The following CFAP70 variants were observed in gnomAD, a reference collection of about 807,000 sequenced individuals.
The protein encoded by CFAP70 is cilia- and flagella-associated protein 70.
In CFAP70, 81 loss-of-function variants were observed where a neutral mutation model predicts 137.6. The ratio of observed to expected loss-of-function variants is 0.59; its 90% CI spans 0.49 to 0.71. CFAP70 has a LOEUF of 0.71. Among genes scored for constraint, CFAP70 ranks in the 30% least tolerant of loss-of-function variants. The pLI, the probability that CFAP70 is intolerant of heterozygous loss-of-function variation, is 0.00. For missense variants in CFAP70, 976 were observed against 1,226.7 expected (o/e 0.80, Z 3.05); for synonymous variants, 382 against 423.6 (o/e 0.90, Z 1.20).
chr10:73,319,487 C>G (rs2050677755), intron 9 of CFAP70, among the ~76,000 whole-genome samples: 1 of 152,226 alleles, frequency 6.6e-6, no homozygotes, highest in Admixed American at 6.5e-5. Flanking sequence ...CTCAACATAT[C>G]CTGCCCTTTT....
intron 5 of CFAP70, among the ~76,000 whole-genome samples, chr10:73,342,374 C>CA (rs1404248626): frequency 0.024 from 3,304 of 137,984 alleles, 106 homozygotes; most frequent in African/African-American, 0.08. Flanking sequence ...CCCATCTCTA[C>CA]AAAAAAAAAA....
intron 6 of CFAP70, 137 bp from the exon 8 acceptor site, chr10:73,335,661 GC>G (rs1336121466): frequency 4.2e-6 from 2 of 474,156 alleles, no homozygotes; most frequent in African/African-American, 4.0e-5. Flanking sequence ...GACTACTATT[GC>G]AACTACTACC....
intron 9 of CFAP70, among the ~76,000 whole-genome samples, chr10:73,316,273 T>G (rs1435108091): frequency 2.0e-5 from 3 of 151,814 alleles, no homozygotes; most frequent in Admixed American, 6.6e-5. Context: ...TAAATCCAAT[T>G]TAATAATTTC....
rs1838025064 is a variant in CFAP70, at chr10:73,328,320, C to T, written c.777+2857G>A. Among the ~76,000 whole-genome samples the T allele has an allele frequency of 2.0e-5, 3 of 152,040 alleles. No individual in the cohort carries two copies. The South Asian group carries it at 6.3e-4, about 32-fold the overall frequency. On this transcript the variant is annotated intron_variant, in intron 8 of 26. Transcript: ENST00000310715. ...GCTGAAACTGGATCCCTTCCTTACA[C>T]CTTATACAAAAATTAATTCAAGATG... is the stretch of plus-strand genomic sequence containing the variant.
intron 24 of CFAP70, among the ~76,000 whole-genome samples, chr10:73,272,473 A>G (rs1170951204): frequency 6.6e-6 from 1 of 152,188 alleles, no homozygotes; most frequent in East Asian, 1.9e-4. Context: ...ACTGGAGGAA[A>G]TGAGGGAAGG....
chr10:73,256,239 G>A, intron 26 of CFAP70, 130 bp downstream of exon 27: 1 of 1,016,080 alleles, frequency 9.8e-7, no homozygotes, highest in South Asian at 1.5e-5. Context: ...CACGATAATG[G>A]CAAAGATGGT....
intron 9 of CFAP70, among the ~76,000 whole-genome samples, chr10:73,321,648 T>G (rs975120124): frequency 6.6e-6 from 1 of 152,160 alleles, no homozygotes; most frequent in Admixed American, 6.6e-5. Context: ...ACTGATTTTT[T>G]GCTCGAATAT....
chr10:73,349,148 G>A (rs186873799), intron 3 of CFAP70, among the ~76,000 whole-genome samples: 10 of 152,074 alleles, frequency 6.6e-5, no homozygotes, highest in African/African-American at 2.4e-4. Context: ...AAATCCTTAG[G>A]TATTTTCTAT....
chr10:73,362,100 G>A (rs986072806), upstream of CFAP70, among the ~76,000 whole-genome samples: 9 of 152,076 alleles, frequency 5.9e-5, no homozygotes, highest in South Asian at 4.1e-4. Flanking sequence ...TTACATTTAC[G>A]GTCAACTGAT....
chr10:73,261,912 A>G (rs1053165190), intron 25 of CFAP70, among the ~76,000 whole-genome samples: 1 of 151,014 alleles, frequency 6.6e-6, no homozygotes, highest in African/African-American at 2.4e-5. Context: ...AGATTAAATA[A>G]AAGTTACAAA....
At chr10:73,259,664 CTAAT>C (rs1345654731) in intron 25 of CFAP70, among the ~76,000 whole-genome samples, 6 of 151,500 alleles carry the variant, frequency 4.0e-5, no homozygotes, top group Non-Finnish European at 8.9e-5. Flanking sequence ...GAATTTATAA[CTAAT>C]AGAGGATTAG....
At chr10:73,348,083 T>C in intron 4 of CFAP70, 73 bp downstream of exon 5, 2 of 1,372,452 alleles carry the variant, frequency 1.5e-6, no homozygotes, top group Non-Finnish European at 1.0e-6. Context: ...TCAACTGAAT[T>C]GAACCTTAAT....
chr10:73,348,282 G>A lies in CFAP70; in HGVS notation c.349+141C>T, dbSNP rs141441493. 1.2e-4 allele frequency: 191 copies of A among 1,596,108 alleles called. 3 individuals are homozygous for A. In the East Asian group the frequency reaches 4.2e-3, roughly 35 times the overall value. ...GAGCCAAAGAAGAAAGGGTTAAGTT[G>A]GGATGACTGCAGGCAGAGATAAATG... On this transcript the variant is annotated intron_variant, in intron 4 of 26. Transcript: ENST00000310715.
At chr10:73,291,155 C>G in intron 19 of CFAP70, 71 bp downstream of exon 20, 8 of 1,395,202 alleles carry the variant, frequency 5.7e-6, no homozygotes, top group South Asian at 2.4e-5. Flanking sequence ...GCTAGGACTA[C>G]AGGTGTGAGC....
At chr10:73,335,714 A>C (rs1414234603) in intron 6 of CFAP70, among the ~76,000 whole-genome samples, 190 bp from the exon 8 acceptor site, 2 of 151,244 alleles carry the variant, frequency 1.3e-5, no homozygotes, top group Admixed American at 1.3e-4. Flanking sequence ...AAAGTATATA[A>C]GATAAGATAA....
At chr10:73,290,602 T>A (rs953155833) in intron 19 of CFAP70, among the ~76,000 whole-genome samples, 1 of 151,962 alleles carries the variant, frequency 6.6e-6, no homozygotes, top group Non-Finnish European at 1.5e-5. Flanking sequence ...AAAATAATAA[T>A]ACACACATGC....
chr10:73,338,496 T>A (rs1379050135), intron 6 of CFAP70, among the ~76,000 whole-genome samples: 1 of 150,456 alleles, frequency 6.6e-6, no homozygotes, highest in Non-Finnish European at 1.5e-5. Context: ...AGTGGCATGA[T>A]CTCAGCTCAC....
intron 16 of CFAP70, 50 bp downstream of exon 17, chr10:73,293,213 C>A: frequency 1.3e-6 from 2 of 1,551,532 alleles, no homozygotes; most frequent in South Asian, 1.2e-5. Flanking sequence ...TACTATTATG[C>A]CCATATTTCA....
At position 73,275,349 on chromosome 10, in the gene CFAP70, C is replaced by T. The variant is rs2046636830; in HGVS notation, c.2673+97G>A. The T allele has an allele frequency of 2.2e-6, 3 of 1,366,650 alleles. No individual in the cohort carries two copies. Among genetic ancestry groups the T allele is most frequent in the Non-Finnish European group, 3.0e-6 (3 of 1,009,522 alleles). 84.7% of individuals were successfully genotyped at this position (1,366,650 alleles called of 1,614,324 possible). A position where few individuals can be genotyped will look rare whatever the true frequency, so the allele number is the denominator to read the frequency against. On this transcript the variant is annotated intron_variant, in intron 22 of 26. Coordinates refer to ENST00000310715, the Ensembl canonical transcript of CFAP70. The surrounding 1 kb of genome is among the most constrained non-coding windows in gnomAD (Gnocchi z 4.0). The stretch of plus-strand genomic sequence containing the variant: ...TGAGTTTACTGACAGCTGATGACCA[C>T]CCTTCTGTTCACCAGAAATCTACGT...
Sources: gnomAD v4.1 joint callset for allele counts (sites outside exome capture counted in the v4.1 genomes callset) on GRCh38, gnomAD v4.1.1 for gene constraint, Gnocchi (gnomAD v3.1) non-coding constraint, MANE v1.5 for transcripts, NCBI Gene and HGNC (gene_info 2026-07-23, HGNC 2026-07-21) for gene names.